The following ZNF536 variants were observed in gnomAD, a reference collection of about 807,000 sequenced individuals.
ZNF536 encodes zinc finger protein 536.
Under a neutral mutation model 84.5 loss-of-function variants are expected in ZNF536, and 13 were observed. That is an observed-to-expected ratio of 0.15 (90% CI 0.10 to 0.24). ZNF536 has a LOEUF of 0.24. Ranked by LOEUF, ZNF536 falls within the 10% of genes least tolerant of loss-of-function variation. The pLI is 1.00. For missense variants in ZNF536, 1,536 were observed against 1,747.5 expected (o/e 0.88, Z 2.16); for synonymous variants, 811 against 742.5 (o/e 1.09, Z -1.50).
At chr19:30,594,313 T>C (rs1021963174) in intron 1 of ZNF536, among the ~76,000 whole-genome samples, 3 of 152,164 alleles carry the variant, frequency 2.0e-5, no homozygotes, top group African/African-American at 7.2e-5. Context: ...TGAGGGCATG[T>C]GCAGAAAGGC....
At chr19:30,480,817 C>A (rs143052144) in intron 2 of ZNF536, among the ~76,000 whole-genome samples, 2,419 of 152,248 alleles carry the variant, frequency 0.016, 59 homozygotes, top group African/African-American at 0.056. Context: ...AGGCAGATCA[C>A]CTAAGGTCAG....
intron 2 of ZNF536, among the ~76,000 whole-genome samples, chr19:30,518,002 G>C (rs1470718577): frequency 6.6e-6 from 1 of 152,102 alleles, no homozygotes; most frequent in Non-Finnish European, 1.5e-5. Flanking sequence ...GGTCCGCAGA[G>C]TTATCTACAG....
At chr19:30,498,438 G>A (rs2054809584) in intron 2 of ZNF536, among the ~76,000 whole-genome samples, 1 of 152,036 alleles carries the variant, frequency 6.6e-6, no homozygotes, top group Non-Finnish European at 1.5e-5. Context: ...GGGCCTGTCA[G>A]GGAGTGGGGT....
intron 2 of ZNF536, among the ~76,000 whole-genome samples, chr19:30,303,915 C>T (rs920247304): frequency 3.3e-5 from 5 of 152,196 alleles, no homozygotes; most frequent in Non-Finnish European, 7.3e-5. Flanking sequence ...TCCTTCGTCA[C>T]TGGTGTGTGT....
At chr19:30,286,684 A>T (rs2045643044) in intron 2 of ZNF536, among the ~76,000 whole-genome samples, 1 of 152,220 alleles carries the variant, frequency 6.6e-6, no homozygotes, top group Admixed American at 6.5e-5. Context: ...CGAAATATGC[A>T]ATCAACTGAA....
At chr19:30,417,154 T>G (rs1278161840) in intron 1 of ZNF536, among the ~76,000 whole-genome samples, 3 of 58,232 alleles carry the variant, frequency 5.2e-5, no homozygotes, top group East Asian at 1.4e-3. Flanking sequence ...TTGTATTTTT[T>G]TTTTTTTTTT....
At chr19:30,671,704 C>T (rs1261616944) in intron 1 of ZNF536, among the ~76,000 whole-genome samples, 3 of 152,106 alleles carry the variant, frequency 2.0e-5, no homozygotes, top group Non-Finnish European at 4.4e-5. Context: ...ATAGCACCTG[C>T]GCTATCTCAG....
Position 30,444,132 on chromosome 19 carries a change from G to A in ZNF536, c.570G>A (p.Gly190=), listed in dbSNP as rs764660596. The change falls in exon 2 of 5, where the codon GGG becomes GGA. Residue 190 remains glycine, a synonymous_variant. Transcript: ENST00000355537. ...TGGGCAACCTGGGCAAGGGGCGTGG[G>A]CGTGTGCGCGAGGAGAACCGCCTGC... The part of the protein sequence containing the change: ...HKLGNLGKGR[G]RVREENRLLH... 1 of 1,607,532 alleles carries A rather than the reference G, an allele frequency of 6.2e-7. No individual in the cohort carries two copies. The highest frequency in any genetic ancestry group is 8.5e-7 in the Non-Finnish European group (1 of 1,177,460).
chr19:30,667,264 G>A (rs577176930), intron 1 of ZNF536, among the ~76,000 whole-genome samples: 1 of 152,334 alleles, frequency 6.6e-6, no homozygotes, highest in East Asian at 1.9e-4. Flanking sequence ...GCTTACAGAA[G>A]GGGAAACTGA....
chr19:30,481,124 T>G (rs1259494303), intron 2 of ZNF536, among the ~76,000 whole-genome samples: 1 of 152,218 alleles, frequency 6.6e-6, no homozygotes, highest in Non-Finnish European at 1.5e-5. Context: ...TAAGATCATT[T>G]CAAGTCCCAG....
At chr19:30,472,920 G>C (rs1190896228) in intron 2 of ZNF536, among the ~76,000 whole-genome samples, 4 of 151,882 alleles carry the variant, frequency 2.6e-5, no homozygotes, top group African/African-American at 9.7e-5. Context: ...GGCCGGGTGA[G>C]GTGGCTCACA....
chr19:30,500,978 T>C (rs2054927326), intron 2 of ZNF536, among the ~76,000 whole-genome samples: 1 of 152,170 alleles, frequency 6.6e-6, no homozygotes, highest in Non-Finnish European at 1.5e-5. Context: ...TCTGGTGCTG[T>C]TTGGGCATTG....
downstream of ZNF536, among the ~76,000 whole-genome samples, chr19:30,560,586 C>T (rs1302735793): frequency 6.6e-6 from 1 of 152,182 alleles, no homozygotes; most frequent in East Asian, 1.9e-4. Flanking sequence ...GAGACCACCC[C>T]CCCGCCCCAT....
chr19:30,290,103 T>A (rs1388535265), intron 2 of ZNF536, among the ~76,000 whole-genome samples: 1 of 152,214 alleles, frequency 6.6e-6, no homozygotes, highest in African/African-American at 2.4e-5. Flanking sequence ...TCTAGGTACT[T>A]TATATAATGG....
chr19:30,630,397 TCC>T (rs2048844943), intron 1 of ZNF536, among the ~76,000 whole-genome samples: 1 of 84,562 alleles, frequency 1.2e-5, no homozygotes, highest in Admixed American at 1.2e-4. Flanking sequence ...CCAGGAAGTA[TCC>T]CGTGTGTGTG....
At chr19:30,387,959 T>G (rs1189460258) in intron 1 of ZNF536, among the ~76,000 whole-genome samples, 3 of 152,176 alleles carry the variant, frequency 2.0e-5, no homozygotes, top group Non-Finnish European at 2.9e-5. Flanking sequence ...AGGCACCAGC[T>G]GGGTGTCTGT....
chr19:30,334,720 C>T (rs771205444), intron 2 of ZNF536, among the ~76,000 whole-genome samples: 3 of 152,136 alleles, frequency 2.0e-5, no homozygotes, highest in Admixed American at 6.5e-5. Context: ...CAGCTCAATG[C>T]CCAGCCTTTA....
At chr19:30,407,772 G>A (rs1324794554) in intron 1 of ZNF536, among the ~76,000 whole-genome samples, 1 of 152,180 alleles carries the variant, frequency 6.6e-6, no homozygotes, top group Non-Finnish European at 1.5e-5. Context: ...TGAATTTAAT[G>A]TATTCTTCTG....
intron 1 of ZNF536, among the ~76,000 whole-genome samples, chr19:30,407,755 C>T (rs1600603841): frequency 6.6e-6 from 1 of 152,190 alleles, no homozygotes; most frequent in Non-Finnish European, 1.5e-5. Flanking sequence ...ATTTTGTGAA[C>T]AGCCACTGAA....
Sources: allele counts gnomAD v4.1 joint callset (sites outside exome capture counted in the v4.1 genomes callset), GRCh38; gene constraint gnomAD v4.1.1; transcripts MANE v1.5; gene names NCBI Gene and HGNC (gene_info 2026-07-23, HGNC 2026-07-21).